Variants in CD200 observed in about 807,000 individuals in gnomAD.
CD200 encodes CD200 molecule, also known as OX-2 membrane glycoprotein.
In CD200, 15 loss-of-function variants were observed where a neutral mutation model predicts 30.9. The ratio of observed to expected loss-of-function variants is 0.49; its 90% CI spans 0.32 to 0.75. The LOEUF (loss-of-function observed/expected upper bound fraction) is 0.75, where lower values mean the gene tolerates loss of function less well. Ranked by LOEUF, CD200 falls within the 30% of genes least tolerant of loss-of-function variation. The probability of loss-of-function intolerance (pLI) is 0.03; values close to 1 mark genes in which losing one functional copy is unlikely to be tolerated. For missense variants in CD200, 262 were observed against 324.2 expected (o/e 0.81, Z 1.47); for synonymous variants, 134 against 126.2 (o/e 1.06, Z -0.41).
intron 5 of CD200, among the ~76,000 whole-genome samples, chr3:112,359,109 T>A (rs1357186659): frequency 6.6e-6 from 1 of 152,140 alleles, no homozygotes; most frequent in Non-Finnish European, 1.5e-5. Flanking sequence ...GGGCTGTGAG[T>A]AAAGCATGGC....
At chr3:112,335,814 G>A (rs757995589) in intron 1 of CD200, 2 of 742,836 alleles carry the variant, frequency 2.7e-6, no homozygotes. Flanking sequence ...ATGATCTTGG[G>A]TCTTCACCCA....
upstream of CD200, chr3:112,333,105 A>G: frequency 6.7e-7 from 1 of 1,496,828 alleles, no homozygotes. Context: ...GAGGAGGAAG[A>G]GGCGGGAGGT....
At chr3:112,350,783 TTCA>T (rs1483215867) in intron 5 of CD200, among the ~76,000 whole-genome samples, 1 of 152,236 alleles carries the variant, frequency 6.6e-6, no homozygotes, top group East Asian at 1.9e-4. Context: ...ATTTTTTCCT[TTCA>T]TTTTATGTTT....
At chr3:112,357,491 C>G in intron 5 of CD200, among the ~76,000 whole-genome samples, 1 of 152,248 alleles carries the variant, frequency 6.6e-6, no homozygotes, top group East Asian at 1.9e-4. Flanking sequence ...AAGTTTGTAA[C>G]AGATGTTCAT....
intron 2 of CD200, 30 bp downstream of exon 2, chr3:112,341,013 C>G (rs547277014): frequency 3.2e-5 from 46 of 1,427,846 alleles, no homozygotes; most frequent in South Asian, 5.8e-5. Context: ...CTGCTTGGAG[C>G]CCAGCAAACA....
chr3:112,355,014 CTTAAT>C (rs2081599978), intron 5 of CD200, among the ~76,000 whole-genome samples: 1 of 152,188 alleles, frequency 6.6e-6, no homozygotes, highest in African/African-American at 2.4e-5. Flanking sequence ...TCTCAGGGTC[CTTAAT>C]TTAATCACAT....
intron 5 of CD200, among the ~76,000 whole-genome samples, chr3:112,355,997 A>AG (rs2081617346): frequency 2.0e-5 from 3 of 152,240 alleles, no homozygotes; most frequent in Non-Finnish European, 2.9e-5. Flanking sequence ...TTTGTACTAC[A>AG]AACATGCAAG....
At chr3:112,350,522 G>C (rs1057364607) in intron 5 of CD200, among the ~76,000 whole-genome samples, 3 of 152,114 alleles carry the variant, frequency 2.0e-5, no homozygotes, top group African/African-American at 4.8e-5. Flanking sequence ...TATAAAACAA[G>C]AGACACTATA....
intron 1 of CD200, among the ~76,000 whole-genome samples, chr3:112,339,970 G>A (rs1029554769): frequency 6.6e-6 from 1 of 152,142 alleles, no homozygotes; most frequent in East Asian, 1.9e-4. Flanking sequence ...ACAATTATGG[G>A]GTATTGTGGT....
At chr3:112,342,347 TTCTTTCTTTCTTTC>T (rs2081272701) in intron 2 of CD200, among the ~76,000 whole-genome samples, 1 of 8,122 alleles carries the variant, frequency 1.2e-4, no homozygotes, top group African/African-American at 4.6e-4. Context: ...CCTTCTTTCT[TTCTTTCTTTCTTTC>T]TTTCTTTCTT....
chr3:112,350,675 G>A (rs1258844751), intron 5 of CD200, among the ~76,000 whole-genome samples: 1 of 152,146 alleles, frequency 6.6e-6, no homozygotes, highest in Non-Finnish European at 1.5e-5. Flanking sequence ...GGGTGATGTG[G>A]GAGTTTCCTC....
chr3:112,348,552 G>A (rs1045346954), intron 4 of CD200, among the ~76,000 whole-genome samples: 3 of 152,174 alleles, frequency 2.0e-5, no homozygotes, highest in Non-Finnish European at 4.4e-5. Context: ...AGAAGTTTTA[G>A]CAATAATAGC....
In CD200 at chr3:112,345,084, G is replaced by A; in HGVS notation, c.217G>A (p.Glu73Lys). Reference sequence around the variant, plus strand: ...GCAGAAAAAGAAAGCTGTAAGCCCAGAAAACATGGTCACCTTCAGCGAGAA... The same window carrying A: ...GCAGAAAAAGAAAGCTGTAAGCCCAAAAAACATGGTCACCTTCAGCGAGAA... The part of the protein sequence containing the change: ...TWQKKKAVSP[E>K]NMVTFSENHG... Residue 73 changes from glutamate to lysine, a missense_variant, in exon 3 of 6, where the codon GAA becomes AAA. By Grantham distance (56) the Glu-to-Lys change is moderately conservative (BLOSUM62 1). Coordinates refer to ENST00000315711, the MANE Select transcript of CD200 (RefSeq NM_005944.7). 1 of 1,614,090 alleles carries A rather than the reference G, an allele frequency of 6.2e-7. No individual in the cohort carries two copies. Among genetic ancestry groups the A allele is most frequent in the Non-Finnish European group, 8.5e-7 (1 of 1,180,000 alleles).
At chr3:112,332,862 C>T (rs1160781959), upstream of CD200, 1 of 299,438 alleles carries the variant, frequency 3.3e-6, no homozygotes, top group Non-Finnish European at 6.3e-6. Context: ...AACTGATCTC[C>T]ACAACCTCCC....
chr3:112,354,502 A>G (rs138528804), intron 5 of CD200, among the ~76,000 whole-genome samples: 154 of 152,344 alleles, frequency 1.0e-3, no homozygotes, highest in African/African-American at 3.6e-3. Context: ...ACACCCATAT[A>G]ATAAGCTTGC....
intron 5 of CD200, among the ~76,000 whole-genome samples, chr3:112,358,137 A>G (rs2081663777): frequency 6.6e-6 from 1 of 152,158 alleles, no homozygotes; most frequent in Non-Finnish European, 1.5e-5. Flanking sequence ...CCATTTGGAC[A>G]TGCCAATTTA....
chr3:112,337,715 C>T (rs1241453138), intron 1 of CD200, among the ~76,000 whole-genome samples: 2 of 152,110 alleles, frequency 1.3e-5, no homozygotes, highest in African/African-American at 2.4e-5. Flanking sequence ...TAGTGCCTGG[C>T]ATGAAGTCAG....
intron 5 of CD200, among the ~76,000 whole-genome samples, chr3:112,358,417 G>A (rs755551310): frequency 6.6e-6 from 1 of 152,086 alleles, no homozygotes; most frequent in East Asian, 1.9e-4. Context: ...CTAAAAACGT[G>A]CGTATACTGA....
rs565739908 is a variant in CD200 at position 112,334,348 on chromosome 3, A to G, written c.12+1124A>G. 1.4e-5 allele frequency: 8 copies of G among 583,294 alleles called. No homozygotes were observed. In the East Asian group the frequency reaches 1.1e-3, roughly 84 times the overall value. The allele number at this position is 583,294 out of a possible 1,614,324, so 36.1% of individuals were successfully genotyped here. On this transcript the variant is annotated intron_variant, in intron 1 of 5. Coordinates refer to ENST00000315711, the MANE Select transcript of CD200 (RefSeq NM_005944.7). ...AACCCTGGACTGCATGGCAAGGGTT[A>G]TAAGTGGGCTTCTTTGTTTTCAGGA... is the stretch of plus-strand genomic sequence containing the variant.
Sources: allele counts gnomAD v4.1 joint callset (sites outside exome capture counted in the v4.1 genomes callset), GRCh38; gene constraint gnomAD v4.1.1; transcripts MANE v1.5; gene names NCBI Gene and HGNC (gene_info 2026-07-23, HGNC 2026-07-21).